The following EPHX1 variants were observed in gnomAD, a reference collection of about 807,000 sequenced individuals.
The protein encoded by EPHX1 is epoxide hydrolase 1.
A neutral mutation model predicts 43.2 loss-of-function variants in EPHX1; 40 were observed. The ratio of observed to expected loss-of-function variants is 0.93; its 90% confidence interval spans 0.72 to 1.21. The LOEUF (loss-of-function observed/expected upper bound fraction) is 1.21, where lower values mean the gene tolerates loss of function less well. EPHX1 is among the 50% of genes most tolerant of loss of function. EPHX1 has a pLI of 0.00. For synonymous variants in EPHX1, 221 were observed against 226.7 expected, an observed-to-expected ratio of 0.98 and a Z score of 0.22; for missense variants, 550 against 570.4, an observed-to-expected ratio of 0.96 and a Z score of 0.36.
intron 1 of EPHX1, 148 bp from the exon 2 acceptor site, chr1:225,828,577 T>A (rs947894596): frequency 2.6e-5 from 12 of 462,174 alleles, no homozygotes; most frequent in Non-Finnish European, 4.7e-5. Flanking sequence ...TATATATATA[T>A]AATATGTATA....
At chr1:225,822,880 A>G (rs1449681013) in intron 1 of EPHX1, among the ~76,000 whole-genome samples, 1 of 152,172 alleles carries the variant, frequency 6.6e-6, no homozygotes, top group African/African-American at 2.4e-5. Context: ...GCCTGACGCC[A>G]TGCACTCCCT....
chr1:225,839,857 G>A lies in EPHX1; in HGVS notation c.751G>A (p.Ala251Thr). 6.2e-7 allele frequency: 1 copy of A among 1,614,148 alleles called. No homozygotes were observed. Among genetic ancestry groups the A allele is most frequent in the South Asian group, 1.1e-5 (1 of 91,088 alleles). Reference protein sequence around the residue: ...SHVKGLHLNMALVLSNFSTLT... With the variant: ...SHVKGLHLNMTLVLSNFSTLT... ...CGTGAAAGGCCTGCACTTGAACATG[G>A]CTTTGGTTTTAAGCAACTTCTCTAC... The change falls in exon 6 of 9, where the codon GCT (alanine) becomes ACT (threonine). Residue 251 changes from alanine to threonine, a missense_variant. Ala to Thr is a moderately conservative substitution (Grantham distance 58). Coordinates refer to ENST00000272167, the MANE Select transcript of EPHX1 (RefSeq NM_001136018.4).
At chr1:225,821,775 C>A (rs1186009125) in intron 1 of EPHX1, among the ~76,000 whole-genome samples, 2 of 151,524 alleles carry the variant, frequency 1.3e-5, no homozygotes, top group African/African-American at 4.9e-5. Flanking sequence ...GTTGCCCAGG[C>A]TGGTCTCAAA....
At chr1:225,835,366 G>T (rs1214797411) in intron 3 of EPHX1, among the ~76,000 whole-genome samples, 1 of 145,868 alleles carries the variant, frequency 6.9e-6, no homozygotes, top group Non-Finnish European at 1.5e-5. Flanking sequence ...CCACAGGTAT[G>T]CACCACCACA....
Position 225,831,843 on chromosome 1 carries a change from A to G in EPHX1, c.248A>G (p.Tyr83Cys). 1.2e-6 allele frequency: 2 copies of G among 1,614,162 alleles called. No individual in the cohort carries two copies. The highest frequency in any genetic ancestry group is 1.7e-5 in the Admixed American group (1 of 60,002). The change falls in exon 3 of 9, where the codon TAT becomes TGT. Residue 83 changes from tyrosine (Y) to cysteine (C), a missense_variant. By Grantham distance (194) the Tyr-to-Cys change is radical. Coordinates refer to ENST00000272167, the MANE Select transcript of EPHX1 (RefSeq NM_001136018.4). ...TPPLEDSCFHYGFNSNYLKKV... is the reference protein window; with the variant it reads ...TPPLEDSCFHCGFNSNYLKKV... ...CCTTTGGAGGACAGCTGCTTCCACT[A>G]TGGCTTCAACTCCAACTACCTGAAG...
Position 225,815,215 on chromosome 1 carries a change from C to T in EPHX1, c.-6+5046C>T, listed in dbSNP as rs781132601. Among the ~76,000 whole-genome samples the T allele has an allele frequency of 6.3e-5, 6 of 94,614 alleles. 1 individual carries two copies. Among genetic ancestry groups the T allele is most frequent in the Non-Finnish European group, 1.6e-4 (6 of 37,744 alleles). 62.1% of individuals were successfully genotyped at this position (94,614 alleles called of 152,430 possible). A position where few individuals can be genotyped will look rare whatever the true frequency, so the allele number is the denominator to read the frequency against. On this transcript the variant is annotated intron_variant, in intron 1 of 8. Coordinates refer to ENST00000272167, the MANE Select transcript of EPHX1 (RefSeq NM_001136018.4). The stretch of plus-strand genomic sequence containing the variant: ...CTACCAGGAAGGCTGCTATCCGGGT[C>T]ATAGTGATACCCTGTCAGGACATCG...
At position 225,817,529 on chromosome 1, in the gene EPHX1, C is replaced by G. The variant is rs911668717; in HGVS notation, c.-6+7360C>G. ...GGGCAGTATGGGGGCAGGCTTGGGA[C>G]CAGGCCTGCAGAAGCAGCAGACCCT... On this transcript the variant is annotated intron_variant, in intron 1 of 8. Coordinates refer to ENST00000272167, the MANE Select transcript of EPHX1 (RefSeq NM_001136018.4). The surrounding 1 kb of genome is among the most constrained non-coding windows in gnomAD (Gnocchi z 5.7). 9.2e-5 allele frequency among the ~76,000 whole-genome samples: 14 copies of G among 152,162 alleles called. No homozygotes were observed. Among genetic ancestry groups the G allele is most frequent in the Non-Finnish European group, 1.5e-4 (10 of 68,024 alleles).
At chr1:225,840,508 T>A (rs1478724414) in intron 6 of EPHX1, among the ~76,000 whole-genome samples, 1 of 152,100 alleles carries the variant, frequency 6.6e-6, no homozygotes, top group African/African-American at 2.4e-5. Context: ...AAAGGTAAAT[T>A]TATAAAGGAA....
At chr1:225,832,050 A>C (rs1041451876) in intron 3 of EPHX1, 91 bp downstream of exon 3, 1 of 1,437,118 alleles carries the variant, frequency 7.0e-7, no homozygotes, top group Admixed American at 1.8e-5. Context: ...AAAGTTGGAG[A>C]GATTCAGAAC....
At chr1:225,831,416 G>A (rs1016401790) in intron 2 of EPHX1, among the ~76,000 whole-genome samples, 3 of 152,070 alleles carry the variant, frequency 2.0e-5, no homozygotes, top group African/African-American at 7.2e-5. Flanking sequence ...GGACATGGTG[G>A]CTCACACCTG....
chr1:225,834,222 T>C (rs1262199027), intron 3 of EPHX1, among the ~76,000 whole-genome samples: 5 of 148,210 alleles, frequency 3.4e-5, no homozygotes, highest in African/African-American at 1.3e-4. Flanking sequence ...CTGGCCAACA[T>C]GGTGAAACCC....
chr1:225,815,384 C>T (rs1356364832), intron 1 of EPHX1, among the ~76,000 whole-genome samples: 2 of 86,306 alleles, frequency 2.3e-5, no homozygotes, highest in African/African-American at 3.4e-5. Flanking sequence ...GGATTACAGG[C>T]GTGCACCACC....
intron 3 of EPHX1, 76 bp from the exon 4 acceptor site, chr1:225,838,578 G>A: frequency 7.5e-7 from 1 of 1,328,442 alleles, no homozygotes; most frequent in Non-Finnish European, 1.1e-6. Flanking sequence ...CAATATCTAG[G>A]CTCTGGGGGG....
intron 1 of EPHX1, among the ~76,000 whole-genome samples, chr1:225,812,938 G>A (rs1666553920): frequency 6.6e-6 from 1 of 152,166 alleles, no homozygotes; most frequent in African/African-American, 2.4e-5. Context: ...CCTTTGAGAG[G>A]TAATACAGTG....
chr1:225,835,499 C>T (rs1667907606), intron 3 of EPHX1, among the ~76,000 whole-genome samples: 1 of 150,574 alleles, frequency 6.6e-6, no homozygotes, highest in Non-Finnish European at 1.5e-5. Flanking sequence ...ACGCCATTCT[C>T]CTGCCTCAGC....
At chr1:225,844,743 C>A in intron 8 of EPHX1, 120 bp downstream of exon 8, 1 of 1,486,668 alleles carries the variant, frequency 6.7e-7, no homozygotes. Context: ...TGCAGGTGCC[C>A]CAGGGGCCCT....
chr1:225,831,756 TG>T, intron 2 of EPHX1, 22 bp from the exon 3 acceptor site: 1 of 1,612,838 alleles, frequency 6.2e-7, no homozygotes, highest in Non-Finnish European at 8.5e-7. Flanking sequence ...CCTCTCAACT[TG>T]GGGTCCTGAA....
At chr1:225,815,711 C>A (rs1251564273) in intron 1 of EPHX1, among the ~76,000 whole-genome samples, 1 of 152,182 alleles carries the variant, frequency 6.6e-6, no homozygotes, top group African/African-American at 2.4e-5. Flanking sequence ...GAACTCGGAC[C>A]CTGGTCCTCG....
chr1:225,818,392 C>T (rs1048931443), intron 1 of EPHX1, among the ~76,000 whole-genome samples: 1 of 152,016 alleles, frequency 6.6e-6, no homozygotes, highest in Non-Finnish European at 1.5e-5. Flanking sequence ...AATGTGAGCT[C>T]GACGAAGGCT....
Sources: gnomAD v4.1 joint callset for allele counts (sites outside exome capture counted in the v4.1 genomes callset) on GRCh38, gnomAD v4.1.1 for gene constraint, Gnocchi (gnomAD v3.1) non-coding constraint, MANE v1.5 for transcripts, NCBI Gene and HGNC (gene_info 2026-07-23, HGNC 2026-07-21) for gene names.